Variants in ABL2 observed in about 807,000 individuals in gnomAD.
ABL2 encodes tyrosine-protein kinase ABL2.
In ABL2, 49 loss-of-function variants were observed where a neutral mutation model predicts 107.7. The observed-to-expected ratio is 0.45, with a 90% CI of 0.36 to 0.58. The LOEUF is 0.58. Ranked by LOEUF, ABL2 falls within the 20% of genes least tolerant of loss-of-function variation. The pLI is 0.00. For missense variants in ABL2, 1,245 were observed against 1,457.0 expected (o/e 0.85, Z 2.37); for synonymous variants, 549 against 548.6 (o/e 1.00, Z -0.01).
chr1:179,219,258 G>C (rs1376023025), intron 1 of ABL2, among the ~76,000 whole-genome samples: 2 of 152,106 alleles, frequency 1.3e-5, no homozygotes, highest in Non-Finnish European at 2.9e-5. Context: ...GCCTAGGCTG[G>C]TCTTGAACTC....
intron 1 of ABL2, among the ~76,000 whole-genome samples, chr1:179,153,452 C>G (rs561580314): frequency 6.6e-6 from 1 of 152,280 alleles, no homozygotes; most frequent in East Asian, 1.9e-4. Flanking sequence ...CAAGGAGAAT[C>G]CATTCCTTGC....
intron 1 of ABL2, among the ~76,000 whole-genome samples, chr1:179,219,634 A>G (rs1449164120): frequency 6.6e-6 from 1 of 152,214 alleles, no homozygotes; most frequent in Admixed American, 6.5e-5. Flanking sequence ...ACAAAGACAA[A>G]TGGTCTAGAG....
intron 1 of ABL2, among the ~76,000 whole-genome samples, chr1:179,153,022 CA>C (rs1433893989): frequency 6.6e-6 from 1 of 151,640 alleles, no homozygotes; most frequent in African/African-American, 2.4e-5. Flanking sequence ...ATTAAGGACA[CA>C]AATTCAGAAG....
rs2102570341 is a variant in ABL2, at chr1:179,107,220, A to C, written c.*498T>G. The C allele has an allele frequency of 4.3e-6, 1 of 234,836 alleles. No individual in the cohort carries two copies. The highest frequency in any genetic ancestry group is 1.7e-4 in the South Asian group (1 of 5,756). The allele number at this position is 234,836 out of a possible 1,614,324, so 14.5% of individuals were successfully genotyped here. A position where few individuals can be genotyped will look rare whatever the true frequency, so the allele number is the denominator to read the frequency against. On this transcript the variant is annotated 3_prime_UTR_variant, in exon 12 of 12. Transcript: ENST00000502732. ...CAGCAGCAATGGCCTTGTGGAAGCA[A>C]GGCTAACAGCTACTTCCAACAGCCC...
chr1:179,223,896 G>C (rs1390640467), intron 1 of ABL2, among the ~76,000 whole-genome samples: 2 of 150,516 alleles, frequency 1.3e-5, no homozygotes, highest in Admixed American at 6.6e-5. Flanking sequence ...GGGAGGGCAA[G>C]GCAGGCAGAT....
intron 1 of ABL2, among the ~76,000 whole-genome samples, chr1:179,150,435 T>G (rs1478314521): frequency 2.0e-5 from 3 of 152,102 alleles, no homozygotes; most frequent in Admixed American, 2.0e-4. Flanking sequence ...TGCATAACTT[T>G]GAGGAGTTCA....
At chr1:179,140,230 A>G (rs1388187708) in intron 1 of ABL2, among the ~76,000 whole-genome samples, 1 of 152,132 alleles carries the variant, frequency 6.6e-6, no homozygotes, top group African/African-American at 2.4e-5. Context: ...ACTGACATCA[A>G]TGCTATTGCT....
intron 1 of ABL2, among the ~76,000 whole-genome samples, chr1:179,211,807 T>A (rs2493122): frequency 0.22 from 31,884 of 142,344 alleles, 4,309 homozygotes; most frequent in East Asian, 0.36. Flanking sequence ...AAAAAAAAAA[T>A]TTAAATAACT....
chr1:179,133,708 C>T (rs1188352321), intron 1 of ABL2, among the ~76,000 whole-genome samples: 1 of 152,108 alleles, frequency 6.6e-6, no homozygotes, highest in Non-Finnish European at 1.5e-5. Context: ...GTTCCAAGAC[C>T]CCCAGTGGAT....
chr1:179,182,171 T>C (rs1046864028), intron 1 of ABL2, among the ~76,000 whole-genome samples: 3 of 151,988 alleles, frequency 2.0e-5, no homozygotes, highest in Non-Finnish European at 2.9e-5. Flanking sequence ...TTAAGTTCCA[T>C]GGTCCATCAT....
intron 10 of ABL2, among the ~76,000 whole-genome samples, chr1:179,111,204 G>A (rs1249567448): frequency 2.7e-5 from 4 of 147,760 alleles, no homozygotes; most frequent in Non-Finnish European, 5.9e-5. Flanking sequence ...GGCTGGTCTC[G>A]AACTCCGGAA....
chr1:179,172,537 A>G (rs1337965809), intron 1 of ABL2, among the ~76,000 whole-genome samples: 1 of 152,216 alleles, frequency 6.6e-6, no homozygotes, highest in East Asian at 1.9e-4. Flanking sequence ...CTTAGAATGT[A>G]AAGATAATCT....
At chr1:179,222,717 T>G (rs1662942586) in intron 1 of ABL2, among the ~76,000 whole-genome samples, 1 of 151,918 alleles carries the variant, frequency 6.6e-6, no homozygotes, top group Admixed American at 6.6e-5. Flanking sequence ...CACAAACTGG[T>G]TACACCTTAT....
chr1:179,222,371 A>C (rs1318251068), intron 1 of ABL2, among the ~76,000 whole-genome samples: 3 of 151,486 alleles, frequency 2.0e-5, no homozygotes, highest in Non-Finnish European at 4.4e-5. Context: ...CTGGGATTAC[A>C]GGTGCCCGCC....
intron 1 of ABL2, among the ~76,000 whole-genome samples, chr1:179,176,890 T>G (rs1288873519): frequency 6.6e-6 from 1 of 151,974 alleles, no homozygotes; most frequent in Non-Finnish European, 1.5e-5. Flanking sequence ...GAGATGGGGT[T>G]TTGCCATGTT....
chr1:179,177,386 G>C (rs144735043), intron 1 of ABL2, among the ~76,000 whole-genome samples: 1 of 152,112 alleles, frequency 6.6e-6, no homozygotes, highest in Non-Finnish European at 1.5e-5. Context: ...AAGAATAGTC[G>C]TGGCATACCA....
chr1:179,227,714 T>C (rs1401205735), intron 1 of ABL2, among the ~76,000 whole-genome samples: 2 of 152,174 alleles, frequency 1.3e-5, no homozygotes, highest in African/African-American at 4.8e-5. Flanking sequence ...ATCACCTTCA[T>C]AAAGTGTTCA....
At chr1:179,195,948 T>C (rs901021632) in intron 1 of ABL2, among the ~76,000 whole-genome samples, 20 of 152,210 alleles carry the variant, frequency 1.3e-4, no homozygotes, top group African/African-American at 4.6e-4. Flanking sequence ...AAAAGAGTTC[T>C]GGAGATGGAT....
chr1:179,197,016 C>T (rs182094513), intron 1 of ABL2, among the ~76,000 whole-genome samples: 61 of 151,952 alleles, frequency 4.0e-4, no homozygotes, highest in Non-Finnish European at 5.6e-4. Flanking sequence ...CATGGTGATA[C>T]AAAAATTGAA....
Sources: gnomAD v4.1 joint callset for allele counts (sites outside exome capture counted in the v4.1 genomes callset) on GRCh38, gnomAD v4.1.1 for gene constraint, MANE v1.5 for transcripts, NCBI Gene and HGNC (gene_info 2026-07-23, HGNC 2026-07-21) for gene names.